The following TAFA2 variants were observed in gnomAD, a reference collection of about 807,000 sequenced individuals.
The protein encoded by TAFA2 is TAFA chemokine like family member 2, also known as chemokine-like protein TAFA-2.
Under a neutral mutation model 18.8 loss-of-function variants are expected in TAFA2, and 7 were observed. The observed-to-expected ratio is 0.37, with a 90% CI of 0.21 to 0.70. The LOEUF (loss-of-function observed/expected upper bound fraction) is 0.70. TAFA2 is among the 30% of genes least tolerant of loss of function. The pLI is 0.53. For missense variants in TAFA2, 122 were observed against 158.1 expected, an observed-to-expected ratio of 0.77 and a Z score of 1.23; for synonymous variants, 60 against 54.2, an observed-to-expected ratio of 1.11 and a Z score of -0.47.
chr12:62,121,683 T>G (rs1870203436), intron 1 of TAFA2, among the ~76,000 whole-genome samples: 1 of 152,154 alleles, frequency 6.6e-6, no homozygotes, highest in Non-Finnish European at 1.5e-5. Context: ...AAAGAGATAA[T>G]TATCTAAATC....
At chr12:61,871,744 G>A (rs1369720786) in intron 1 of TAFA2, among the ~76,000 whole-genome samples, 2 of 152,124 alleles carry the variant, frequency 1.3e-5, no homozygotes, top group Admixed American at 6.5e-5. Context: ...TTATGTACAC[G>A]GAACTTTAGA....
chr12:62,253,298 G>A (rs896651157), intron 1 of TAFA2: 1 of 152,160 alleles, frequency 6.6e-6, no homozygotes, highest in African/African-American at 2.4e-5. Context: ...TACACTTTGT[G>A]CCGAGTCCCA....
At chr12:61,872,085 T>C (rs528858282) in intron 1 of TAFA2, among the ~76,000 whole-genome samples, 3 of 150,534 alleles carry the variant, frequency 2.0e-5, no homozygotes, top group Admixed American at 6.6e-5. Context: ...AAGCAAGAAA[T>C]AAAAAACTGT....
intron 2 of TAFA2, chr12:61,776,012 C>T: frequency 5.7e-6 from 2 of 350,928 alleles, no homozygotes; most frequent in South Asian, 5.8e-5. Context: ...TGACCACACA[C>T]ATGCGAATCT....
intron 1 of TAFA2, among the ~76,000 whole-genome samples, chr12:61,872,681 C>T (rs548581802): frequency 1.6e-4 from 24 of 152,242 alleles, no homozygotes; most frequent in Admixed American, 6.5e-4. Flanking sequence ...ACGCTTCAAG[C>T]ACACTGGCTC....
At chr12:61,959,801 T>C (rs888442068) in intron 1 of TAFA2, among the ~76,000 whole-genome samples, 1 of 152,150 alleles carries the variant, frequency 6.6e-6, no homozygotes, top group Non-Finnish European at 1.5e-5. Flanking sequence ...CTTTATCTTT[T>C]ATTTAAACAT....
At chr12:61,743,224 T>G (rs540224739) in intron 4 of TAFA2, among the ~76,000 whole-genome samples, 1 of 152,016 alleles carries the variant, frequency 6.6e-6, no homozygotes, top group Non-Finnish European at 1.5e-5. Context: ...TTTGTTTTGA[T>G]AGCTTGATGT....
At chr12:61,792,551 TAACTATAA>T (rs1871025588) in intron 2 of TAFA2, among the ~76,000 whole-genome samples, 1 of 151,504 alleles carries the variant, frequency 6.6e-6, no homozygotes, top group Admixed American at 6.6e-5. Context: ...TAAAAGAAAT[TAACTATAA>T]ATATGAAGAC....
intron 1 of TAFA2, among the ~76,000 whole-genome samples, chr12:62,153,210 T>C (rs1036874760): frequency 6.6e-6 from 1 of 152,208 alleles, no homozygotes; most frequent in African/African-American, 2.4e-5. Flanking sequence ...CTGCTACCCA[T>C]GCAGGTGTTT....
chr12:62,082,028 G>A (rs111758341), intron 1 of TAFA2, among the ~76,000 whole-genome samples: 8,213 of 151,028 alleles, frequency 0.054, 330 homozygotes, highest in Non-Finnish European at 0.083. Flanking sequence ...CCACTTATAA[G>A]TGAGAATATA....
intron 2 of TAFA2, among the ~76,000 whole-genome samples, chr12:61,838,907 A>C (rs1398997177): frequency 6.6e-6 from 1 of 152,094 alleles, no homozygotes; most frequent in Non-Finnish European, 1.5e-5. Flanking sequence ...GGTTGAAACC[A>C]GGGATGCTAC....
chr12:62,043,673 T>C lies in TAFA2; in HGVS notation c.-2+147586A>G, dbSNP rs79169785. 4.2e-3 allele frequency among the ~76,000 whole-genome samples: 646 copies of C among 152,234 alleles called. 8 individuals are homozygous for C. Among genetic ancestry groups the C allele is most frequent in the Middle Eastern group, 0.031 (9 of 294 alleles). On this transcript the variant is annotated intron_variant, in intron 1 of 4. Coordinates refer to ENST00000416284, the MANE Select transcript of TAFA2 (RefSeq NM_178539.5). ...AACTGAATCTCAAGTATTAATTAAA[T>C]ATATCTTTAAATTTTACTTGGTGTT...
At chr12:61,909,527 A>T (rs1267316244) in intron 1 of TAFA2, among the ~76,000 whole-genome samples, 1 of 152,188 alleles carries the variant, frequency 6.6e-6, no homozygotes, top group Non-Finnish European at 1.5e-5. Flanking sequence ...ATATTTAAGG[A>T]GAAGCAAAGG....
intron 2 of TAFA2, among the ~76,000 whole-genome samples, chr12:61,848,283 T>A (rs1395531935): frequency 6.6e-6 from 1 of 152,212 alleles, no homozygotes; most frequent in African/African-American, 2.4e-5. Flanking sequence ...TTAATTTTCT[T>A]TCCCAAGAAA....
rs570836501 is a variant in TAFA2 at position 61,856,892 on chromosome 12, G to C, written c.106+10428C>G. On this transcript the variant is annotated intron_variant, in intron 2 of 4. Coordinates refer to ENST00000416284, the MANE Select transcript of TAFA2 (RefSeq NM_178539.5). ...CTCAAACACTTAATAATATGGTATG[G>C]TTAAATAATTTTCAAAGGAAATGTA... Among the ~76,000 whole-genome samples, 15 of 151,584 alleles carry C rather than the reference G, an allele frequency of 9.9e-5. No homozygotes were observed. In the South Asian group the frequency reaches 2.5e-3, roughly 25 times the overall value.
chr12:62,079,419 G>A (rs1464632994), intron 1 of TAFA2, among the ~76,000 whole-genome samples: 5 of 151,740 alleles, frequency 3.3e-5, no homozygotes, highest in Admixed American at 2.0e-4. Context: ...TTGGGAGGCT[G>A]AGGAGGGCTG....
intron 1 of TAFA2, among the ~76,000 whole-genome samples, chr12:62,092,571 T>C (rs1034102051): frequency 2.6e-5 from 4 of 152,024 alleles, no homozygotes; most frequent in Non-Finnish European, 5.9e-5. Context: ...CAAACTCATC[T>C]GGTTTTCCTT....
intron 1 of TAFA2, among the ~76,000 whole-genome samples, chr12:62,129,009 A>G (rs947979630): frequency 3.9e-5 from 6 of 152,030 alleles, no homozygotes; most frequent in Admixed American, 6.6e-5. Context: ...AAAAAGTCCT[A>G]TCTTATTTAC....
intron 1 of TAFA2, among the ~76,000 whole-genome samples, chr12:61,874,385 G>C (rs891555497): frequency 2.4e-4 from 36 of 152,096 alleles, no homozygotes; most frequent in African/African-American, 8.2e-4. Flanking sequence ...TCTTAATTCT[G>C]TTCAGTAAAG....
Sources: allele counts gnomAD v4.1 joint callset (sites outside exome capture counted in the v4.1 genomes callset), GRCh38; gene constraint gnomAD v4.1.1; transcripts MANE v1.5; gene names NCBI Gene and HGNC (gene_info 2026-07-23, HGNC 2026-07-21).